The following STARD9 variants were observed in gnomAD, a reference collection of about 807,000 sequenced individuals.
STARD9 encodes the protein stAR-related lipid transfer protein 9.
STARD9 carries 346 observed loss-of-function variants against 399.8 expected under a neutral mutation model. That is an observed-to-expected ratio of 0.87 (90% CI 0.79 to 0.95). The LOEUF is 0.95. Among genes scored for constraint, STARD9 ranks in the 40% least tolerant of loss-of-function variants. STARD9 has a pLI of 0.00. For missense variants in STARD9, 5,832 were observed against 5,667.5 expected, an observed-to-expected ratio of 1.03 and a Z score of -0.93; for synonymous variants, 2,203 against 2,143.5, an observed-to-expected ratio of 1.03 and a Z score of -0.77.
At chr15:42,660,946 G>GT (rs1301710885) in intron 9 of STARD9, among the ~76,000 whole-genome samples, 4 of 139,352 alleles carry the variant, frequency 2.9e-5, no homozygotes, top group African/African-American at 1.2e-4. Flanking sequence ...GGTGTTTTTT[G>GT]TTTTGTTTTT....
chr15:42,663,711 C>T lies in STARD9; in HGVS notation c.1079-109C>T, dbSNP rs1385005437. 9 of 933,008 alleles carry T rather than the reference C, an allele frequency of 9.6e-6. No individual in the cohort carries two copies. The African/African-American group carries it at 1.2e-4, about 12-fold the overall frequency. The allele number at this position is 933,008 out of a possible 1,614,324, so 57.8% of individuals were successfully genotyped here. ...GAAAGGGCCATGACCACCTAGGTTT[C>T]TCATTTCATCAGGGGTCTTATACAG... On this transcript the variant is annotated intron_variant, in intron 12 of 32. Coordinates refer to ENST00000290607, the MANE Select transcript of STARD9 (RefSeq NM_020759.3).
intron 21 of STARD9, 130 bp from the exon 22 acceptor site, chr15:42,681,974 C>G (rs2060440271): frequency 7.5e-6 from 5 of 665,188 alleles, no homozygotes; most frequent in Admixed American, 2.9e-5. Flanking sequence ...CAGCCCTCAC[C>G]CTGCCACATC....
chr15:42,583,231 C>T (rs2058210447), intron 1 of STARD9, 115 bp from the exon 2 acceptor site: 2 of 697,890 alleles, frequency 2.9e-6, no homozygotes, highest in Admixed American at 5.8e-5. Flanking sequence ...GAGACAGACG[C>T]TTCTCTTAAG....
At chr15:42,704,850 G>A (rs977059792) in intron 26 of STARD9, among the ~76,000 whole-genome samples, 1 of 152,210 alleles carries the variant, frequency 6.6e-6, no homozygotes, top group Admixed American at 6.5e-5. Flanking sequence ...GGTGATGTGG[G>A]CAGTCCTGTG....
chr15:42,669,051 C>T, intron 15 of STARD9, 107 bp from the exon 16 acceptor site: 1 of 956,026 alleles, frequency 1.0e-6, no homozygotes, highest in Middle Eastern at 2.2e-4. Flanking sequence ...CTGGGAGGAT[C>T]ATAAGAAAGC....
chr15:42,683,548 T>C (rs1407310686), intron 22 of STARD9, among the ~76,000 whole-genome samples: 1 of 152,224 alleles, frequency 6.6e-6, no homozygotes, highest in Non-Finnish European at 1.5e-5. Context: ...ACCTAGGCCA[T>C]ATTCAAATTT....
In STARD9 at chr15:42,575,730, G is replaced by A. The variant is rs765393388; in HGVS notation, c.15G>A (p.Gln5=). The change falls in exon 1 of 33, where the codon CAG becomes CAA. Residue 5 remains glutamine, a synonymous_variant. Coordinates refer to ENST00000290607, the MANE Select transcript of STARD9 (RefSeq NM_020759.3). ...GTGGCAGACGGATGGCGAACGTGCA[G>A]GTCGCCGTGCGGGTCCGGCCGCTCA... MANV[Q]VAVRVRPLSK... 10 of 1,536,558 alleles carry A rather than the reference G, an allele frequency of 6.5e-6. No individual in the cohort carries two copies. In the African/African-American group the frequency reaches 1.4e-4, roughly 21 times the overall value.
intron 26 of STARD9, among the ~76,000 whole-genome samples, chr15:42,715,102 A>T (rs1467064894): frequency 1.3e-5 from 2 of 151,298 alleles, no homozygotes; most frequent in East Asian, 3.8e-4. Context: ...CCACTCAGAG[A>T]GATGAGAAGC....
intron 7 of STARD9, among the ~76,000 whole-genome samples, chr15:42,649,787 C>G (rs551791019): frequency 9.6e-4 from 146 of 151,760 alleles, no homozygotes; most frequent in Admixed American, 2.0e-3. Context: ...TCTTGGAACT[C>G]CTGACCTCAT....
chr15:42,699,245 G>A (rs1239291187), intron 26 of STARD9, among the ~76,000 whole-genome samples: 1 of 151,890 alleles, frequency 6.6e-6, no homozygotes, highest in African/African-American at 2.4e-5. Flanking sequence ...TCACCCTATT[G>A]TGTAATAGAA....
rs2060610886 is a variant in STARD9, at chr15:42,688,337, G to C, written c.6759G>C (p.Gln2253His). Residue 2253 changes from glutamine to histidine, a missense_variant, in exon 23 of 33, where the codon CAG (glutamine) becomes CAC (histidine). Around this residue, in one of 2 missense-constraint regions of STARD9, gnomAD observed 5,828 missense variants for 5,651.1 expected, o/e 1.03. Transcript: ENST00000290607. ...AATTGGAGACTGTGAAAGGTTTTCA[G>C]GAAAGCCAAGTAGCTGAACACGTAA... is the stretch of plus-strand genomic sequence containing the variant. ...LEELETVKGF[Q>H]ESQVAEHVSS... 1 of 1,537,256 alleles carries C rather than the reference G, an allele frequency of 6.5e-7. No individual in the cohort carries two copies. Among genetic ancestry groups the C allele is most frequent in the Non-Finnish European group, 8.7e-7 (1 of 1,146,978 alleles).
At chr15:42,584,853 T>C (rs2058243392) in intron 2 of STARD9, among the ~76,000 whole-genome samples, 1 of 152,124 alleles carries the variant, frequency 6.6e-6, no homozygotes, top group Non-Finnish European at 1.5e-5. Context: ...CAGAAATACT[T>C]AGAAAAGAAA....
chr15:42,640,340 C>T (rs371094199), intron 7 of STARD9, among the ~76,000 whole-genome samples: 2 of 152,190 alleles, frequency 1.3e-5, no homozygotes, highest in East Asian at 3.8e-4. Context: ...ATTCTGCTAC[C>T]TATGTCTTTT....
At chr15:42,695,608 CAG>C in intron 25 of STARD9, 133 bp from the exon 26 acceptor site, 1 of 1,045,506 alleles carries the variant, frequency 9.6e-7, no homozygotes, top group Non-Finnish European at 1.4e-6. Context: ...GAGGCTAAGT[CAG>C]GGAGGCCCTG....
chr15:42,593,962 G>A (rs138097707), intron 3 of STARD9, among the ~76,000 whole-genome samples: 2 of 152,138 alleles, frequency 1.3e-5, no homozygotes, highest in African/African-American at 4.8e-5. Context: ...GCCACCGCGT[G>A]GTTGTGCTTC....
Position 42,691,431 on chromosome 15 carries a change from G to A in STARD9, c.9853G>A (p.Ala3285Thr), listed in dbSNP as rs1265210280. ...GCAAAATGAAACACCGCAGCCTGCT[G>A]CTCAGAGGAGTGGCCACCTCTACAC... Reference protein sequence around the residue: ...LRQNETPQPAAQRSGHLYTGR... With the variant: ...LRQNETPQPATQRSGHLYTGR... Residue 3285 changes from alanine (A) to threonine (T), a missense_variant, in exon 23 of 33, where the codon GCT becomes ACT. Transcript: ENST00000290607. 2.6e-6 allele frequency: 4 copies of A among 1,537,104 alleles called. No individual in the cohort carries two copies. Among genetic ancestry groups the A allele is most frequent in the Non-Finnish European group, 3.5e-6 (4 of 1,146,904 alleles).
chr15:42,685,016 A>C lies in STARD9; in HGVS notation c.3438A>C (p.Leu1146=), dbSNP rs776066903. 2 of 1,537,082 alleles carry C rather than the reference A, an allele frequency of 1.3e-6. No homozygotes were observed. The highest frequency in any genetic ancestry group is 1.2e-5 in the South Asian group (1 of 84,066). ...PENSESDDSQ[L]SEDSLAEKRY... ...ACTCTGAAAGTGATGACAGCCAACT[A>C]TCTGAGGACTCACTGGCTGAGAAGA... The change falls in exon 23 of 33, where the codon CTA becomes CTC. Residue 1146 remains leucine (L), a synonymous_variant. Transcript: ENST00000290607.
intron 3 of STARD9, among the ~76,000 whole-genome samples, chr15:42,606,376 C>T (rs1595621205): frequency 6.6e-6 from 1 of 152,304 alleles, no homozygotes; most frequent in Non-Finnish European, 1.5e-5. Context: ...TAGGAAAAGA[C>T]CAAGAGTCAT....
Position 42,615,252 on chromosome 15 carries a change from C to A in STARD9, c.235-19604C>A, listed in dbSNP as rs117928557. On this transcript the variant is annotated intron_variant, in intron 3 of 32. Transcript: ENST00000290607. ...CTCAAACTCCTGACCTCAAGTGATC[C>A]GATGCCTCCGCCTCCCAAAGTGCTG... is the stretch of plus-strand genomic sequence containing the variant. Among the ~76,000 whole-genome samples, 78 of 152,054 alleles carry A rather than the reference C, an allele frequency of 5.1e-4. 1 individual carries two copies. The East Asian group carries it at 0.015, about 29-fold the overall frequency.
Sources: allele counts gnomAD v4.1 joint callset (sites outside exome capture counted in the v4.1 genomes callset), GRCh38; gene constraint gnomAD v4.1.1; regional missense constraint gnomAD v4.1.1; transcripts MANE v1.5; gene names NCBI Gene and HGNC (gene_info 2026-07-23, HGNC 2026-07-21).